HIF1A: variants seen among roughly 807,000 people sequenced by gnomAD.
HIF1A encodes the protein hypoxia-inducible factor 1-alpha.
HIF1A carries 24 observed loss-of-function variants against 92.7 expected under a neutral mutation model. That is an observed-to-expected ratio of 0.26 (90% CI 0.19 to 0.36). HIF1A has a LOEUF of 0.36. Among genes scored for constraint, HIF1A ranks in the 10% least tolerant of loss-of-function variants. The pLI, the probability that HIF1A is intolerant of heterozygous loss-of-function variation, is 1.00. For missense variants in HIF1A, 799 were observed against 998.5 expected, an observed-to-expected ratio of 0.80 and a Z score of 2.69; for synonymous variants, 319 against 338.7, an observed-to-expected ratio of 0.94 and a Z score of 0.64.
rs570358018 is a variant in HIF1A, at chr14:61,745,354, T to C, written c.2203-337T>C. Reference sequence around the variant, plus strand: ...AGGAGAATAGCTTGAACCCGGGAGGTGGAGGTTGCGATGAGCTGAGATCAG... The same window carrying C: ...AGGAGAATAGCTTGAACCCGGGAGGCGGAGGTTGCGATGAGCTGAGATCAG... On this transcript the variant is annotated intron_variant, in intron 13 of 14. Transcript: ENST00000337138. 1.1e-4 allele frequency among the ~76,000 whole-genome samples: 17 copies of C among 151,640 alleles called. No individual in the cohort carries two copies. The South Asian group carries it at 2.3e-3, about 20-fold the overall frequency.
intron 1 of HIF1A, among the ~76,000 whole-genome samples, chr14:61,713,147 G>C (rs1487252461): frequency 6.6e-6 from 1 of 152,124 alleles, no homozygotes; most frequent in African/African-American, 2.4e-5. Flanking sequence ...AAAATGATGA[G>C]GATAAAGAGG....
intron 1 of HIF1A, 116 bp downstream of exon 1, chr14:61,695,955 T>A (rs2044108960): frequency 4.4e-6 from 4 of 908,594 alleles, no homozygotes; most frequent in Non-Finnish European, 6.7e-6. Context: ...AGCCTTTTTG[T>A]TTCTGCTGCT....
At chr14:61,723,590 G>A (rs1404324331) in intron 4 of HIF1A, among the ~76,000 whole-genome samples, 5 of 152,268 alleles carry the variant, frequency 3.3e-5, no homozygotes, top group African/African-American at 1.2e-4. Flanking sequence ...TTAGAATTCT[G>A]TATAAAGGAG....
Position 61,727,461 on chromosome 14 carries a change from C to T in HIF1A, c.579C>T (p.His193=). The T allele has an allele frequency of 6.2e-7, 1 of 1,612,506 alleles. No individual in the cohort carries two copies. The highest frequency in any genetic ancestry group is 1.1e-5 in the South Asian group (1 of 91,044). Residue 193 remains histidine (H), a synonymous_variant, in exon 6 of 15, where the codon CAC becomes CAT. Coordinates refer to ENST00000337138, the MANE Select transcript of HIF1A (RefSeq NM_001530.4). ...NIKSATWKVL[H]CTGHIHVYDT... Reference sequence around the variant, plus strand: ...TTGTTCTTCATACACAGGTATTGCACTGCACAGGCCACATTCACGTATATG... The same window carrying T: ...TTGTTCTTCATACACAGGTATTGCATTGCACAGGCCACATTCACGTATATG...
In HIF1A at chr14:61,747,160, C is replaced by T. The variant is rs964865492; in HGVS notation, c.*75C>T. 3 of 1,327,754 alleles carry T rather than the reference C, an allele frequency of 2.3e-6. No individual in the cohort carries two copies. The Admixed American group carries it at 7.6e-5, about 33-fold the overall frequency. 82.2% of individuals were successfully genotyped at this position (1,327,754 alleles called of 1,614,324 possible). A position where few individuals can be genotyped will look rare whatever the true frequency, so the allele number is the denominator to read the frequency against. On this transcript the variant is annotated 3_prime_UTR_variant, in exon 15 of 15. Transcript: ENST00000337138. ...TAAAGCAGTCTATTTATATTTTCTA[C>T]ATCTAATTTTAGAAGCCTGGCTACA...
At chr14:61,726,607 G>C in intron 4 of HIF1A, 99 bp from the exon 5 acceptor site, 1 of 634,710 alleles carries the variant, frequency 1.6e-6, no homozygotes, top group Middle Eastern at 4.2e-4. Context: ...TTAATTGAAC[G>C]GGTATTCAGT....
chr14:61,727,421 T>A, intron 5 of HIF1A, 32 bp from the exon 6 acceptor site: 1 of 1,450,116 alleles, frequency 6.9e-7, no homozygotes, highest in Non-Finnish European at 9.7e-7. Flanking sequence ...ATTGTAAATA[T>A]TTTTTTTAAC....
chr14:61,702,713 A>T (rs1335413924), intron 1 of HIF1A, among the ~76,000 whole-genome samples: 2 of 152,178 alleles, frequency 1.3e-5, no homozygotes, highest in African/African-American at 4.8e-5. Context: ...AACTATTTTA[A>T]TGTTAATGAA....
At chr14:61,705,004 G>A (rs1167199970) in intron 1 of HIF1A, among the ~76,000 whole-genome samples, 1 of 152,026 alleles carries the variant, frequency 6.6e-6, no homozygotes, top group Non-Finnish European at 1.5e-5. Flanking sequence ...CACCACAGGC[G>A]CATTGGCCAG....
At chr14:61,698,665 T>C (rs542764807) in intron 1 of HIF1A, among the ~76,000 whole-genome samples, 1 of 152,204 alleles carries the variant, frequency 6.6e-6, no homozygotes, top group Non-Finnish European at 1.5e-5. Flanking sequence ...AAGACTAACA[T>C]TGGATCCAGA....
intron 1 of HIF1A, among the ~76,000 whole-genome samples, chr14:61,703,046 A>G (rs1333101501): frequency 1.3e-5 from 2 of 152,190 alleles, no homozygotes; most frequent in Non-Finnish European, 2.9e-5. Context: ...GATTTCAGAT[A>G]TAGTCTGTTT....
intron 12 of HIF1A, among the ~76,000 whole-genome samples, chr14:61,743,979 G>T (rs2044745174): frequency 6.6e-6 from 1 of 152,150 alleles, no homozygotes; most frequent in African/African-American, 2.4e-5. Flanking sequence ...TGATATGCCT[G>T]CCTTATCTGT....
rs565211068 is a variant in HIF1A, at chr14:61,736,210, C to T, written c.1029-679C>T. Among the ~76,000 whole-genome samples the T allele has an allele frequency of 2.6e-5, 4 of 152,256 alleles. No homozygotes were observed. The South Asian group carries it at 8.3e-4, about 32-fold the overall frequency. On this transcript the variant is annotated intron_variant, in intron 8 of 14. Transcript: ENST00000337138. ...GGCCAGGCTCTTGAACTCCCAGGCTCAAGCGATCCACCCGCCTCAGCCTCC... is the reference window on the plus strand; with the variant it reads ...GGCCAGGCTCTTGAACTCCCAGGCTTAAGCGATCCACCCGCCTCAGCCTCC...
chr14:61,699,828 C>T (rs1224211577), intron 1 of HIF1A, among the ~76,000 whole-genome samples: 1 of 152,102 alleles, frequency 6.6e-6, no homozygotes, highest in Non-Finnish European at 1.5e-5. Flanking sequence ...ACAAGCCAAG[C>T]TTCTTGTTGC....
intron 4 of HIF1A, among the ~76,000 whole-genome samples, chr14:61,726,039 C>T (rs917627725): frequency 1.1e-4 from 16 of 151,876 alleles, no homozygotes; most frequent in African/African-American, 2.4e-4. Context: ...AGGCCGGTTT[C>T]GAACTCCTGA....
intron 11 of HIF1A, 29 bp from the exon 12 acceptor site, chr14:61,740,726 T>TA: frequency 6.3e-7 from 1 of 1,579,816 alleles, no homozygotes; most frequent in Non-Finnish European, 8.6e-7. Context: ...GTGGCCATTG[T>TA]AAAAACTCAT....
Position 61,745,777 on chromosome 14 carries a change from G to A in HIF1A, c.2289G>A (p.Gln763=). 1.2e-6 allele frequency: 2 copies of A among 1,612,518 alleles called. No homozygotes were observed. The highest frequency in any genetic ancestry group is 1.7e-6 in the Non-Finnish European group (2 of 1,178,616). Reference sequence around the variant, plus strand: ...TAAAAGGATGCAAATCTAGTGAACAGAATGGAATGGAGCAAAAGACAATTA... The same window carrying A: ...TAAAAGGATGCAAATCTAGTGAACAAAATGGAATGGAGCAAAAGACAATTA... ...KRVKGCKSSE[Q]NGMEQKTIIL... The change falls in exon 14 of 15, where the codon CAG becomes CAA. Residue 763 remains glutamine, a synonymous_variant. Transcript: ENST00000337138.
chr14:61,709,290 G>A (rs1270133507), intron 1 of HIF1A, among the ~76,000 whole-genome samples: 2 of 152,004 alleles, frequency 1.3e-5, no homozygotes, highest in African/African-American at 4.8e-5. Context: ...CACTAGTCAG[G>A]AATAATCTAA....
At chr14:61,735,794 T>G (rs1198296504) in intron 8 of HIF1A, among the ~76,000 whole-genome samples, 1 of 152,178 alleles carries the variant, frequency 6.6e-6, no homozygotes, top group Non-Finnish European at 1.5e-5. Context: ...TAGAAAGATC[T>G]TAATCATTTA....
Sources: allele counts gnomAD v4.1 joint callset (sites outside exome capture counted in the v4.1 genomes callset), GRCh38; gene constraint gnomAD v4.1.1; transcripts MANE v1.5; gene names NCBI Gene and HGNC (gene_info 2026-07-23, HGNC 2026-07-21).